L3MBTL4: variants seen among roughly 807,000 people sequenced by gnomAD.
L3MBTL4 encodes the protein L3MBTL histone methyl-lysine binding protein 4, also known as lethal(3)malignant brain tumor-like protein 4.
In L3MBTL4, 70 loss-of-function variants were observed where a neutral mutation model predicts 84.5. That is an observed-to-expected ratio of 0.83 (90% CI 0.68 to 1.01). L3MBTL4 has a LOEUF of 1.01. Ranked by LOEUF, L3MBTL4 falls within the 50% of genes least tolerant of loss-of-function variation. The pLI, the probability that L3MBTL4 is intolerant of heterozygous loss-of-function variation, is 0.00. For missense variants in L3MBTL4, 715 were observed against 754.8 expected (o/e 0.95, Z 0.62); for synonymous variants, 274 against 259.8 (o/e 1.05, Z -0.52).
chr18:6,222,950 TATA>T (rs1459943799), intron 10 of L3MBTL4, among the ~76,000 whole-genome samples: 3 of 51,908 alleles, frequency 5.8e-5, no homozygotes, highest in African/African-American at 2.6e-4. Flanking sequence ...ATTTTTCTAT[TATA>T]ATATAATATA....
At chr18:6,322,456 TGGAAGGAAGGAAGGAAGGAA>T (rs199942673) in intron 1 of L3MBTL4, among the ~76,000 whole-genome samples, 4 of 102,548 alleles carry the variant, frequency 3.9e-5, no homozygotes, top group African/African-American at 1.5e-4. Context: ...GAAGGAAGGA[TGGAAGGAAGGAAGGAAGGAA>T]GGAAGGAAGG....
At chr18:6,025,523 CT>C (rs2055460160) in intron 16 of L3MBTL4, among the ~76,000 whole-genome samples, 2 of 152,206 alleles carry the variant, frequency 1.3e-5, no homozygotes, top group Non-Finnish European at 2.9e-5. Context: ...AACATTCACT[CT>C]GTTTAACTCT....
At chr18:6,245,166 T>C (rs1293632803) in intron 5 of L3MBTL4, among the ~76,000 whole-genome samples, 1 of 152,204 alleles carries the variant, frequency 6.6e-6, no homozygotes, top group Non-Finnish European at 1.5e-5. Flanking sequence ...CCCAAAGTGC[T>C]GGGATTACAG....
intron 4 of L3MBTL4, among the ~76,000 whole-genome samples, chr18:6,290,319 A>T (rs563274319): frequency 4.6e-5 from 7 of 151,454 alleles, no homozygotes; most frequent in African/African-American, 9.7e-5. Context: ...TAAGAAACAG[A>T]GTGTATAGTT....
chr18:6,130,566 T>C (rs890859045), intron 14 of L3MBTL4, among the ~76,000 whole-genome samples: 9 of 152,222 alleles, frequency 5.9e-5, no homozygotes, highest in Non-Finnish European at 1.0e-4. Context: ...GGCCTTCACA[T>C]TGTAACAATA....
intron 16 of L3MBTL4, among the ~76,000 whole-genome samples, chr18:5,985,887 A>C (rs1011945875): frequency 3.9e-5 from 6 of 152,172 alleles, no homozygotes; most frequent in Non-Finnish European, 5.9e-5. Flanking sequence ...AAGCTAATTC[A>C]AAGGAGGTAT....
At chr18:6,084,085 G>A (rs1433142431) in intron 15 of L3MBTL4, among the ~76,000 whole-genome samples, 2 of 152,156 alleles carry the variant, frequency 1.3e-5, no homozygotes, top group Non-Finnish European at 2.9e-5. Flanking sequence ...GTGTTCAAAA[G>A]GCAAGTTAAG....
At chr18:6,236,344 A>C (rs1207312336) in intron 10 of L3MBTL4, among the ~76,000 whole-genome samples, 1 of 152,244 alleles carries the variant, frequency 6.6e-6, no homozygotes, top group Non-Finnish European at 1.5e-5. Context: ...CTTTTGTAAC[A>C]AATCTTTATG....
At chr18:6,316,524 A>G (rs750734091) in intron 1 of L3MBTL4, among the ~76,000 whole-genome samples, 30 of 152,166 alleles carry the variant, frequency 2.0e-4, no homozygotes, top group Non-Finnish European at 3.8e-4. Flanking sequence ...CTGCAAACAC[A>G]GCTGGGGCTT....
intron 4 of L3MBTL4, among the ~76,000 whole-genome samples, chr18:6,281,056 A>G (rs1335813287): frequency 6.6e-6 from 1 of 152,208 alleles, no homozygotes; most frequent in African/African-American, 2.4e-5. Context: ...TACAGAATGT[A>G]CATCAGGAAT....
intron 14 of L3MBTL4, among the ~76,000 whole-genome samples, chr18:6,107,454 T>C (rs1267111465): frequency 2.6e-5 from 4 of 152,068 alleles, no homozygotes; most frequent in African/African-American, 4.8e-5. Context: ...GCCTGAGGGA[T>C]GGGGACAGGA....
chr18:6,406,511 C>G (rs949573912), intron 1 of L3MBTL4, among the ~76,000 whole-genome samples: 1 of 152,218 alleles, frequency 6.6e-6, no homozygotes, highest in Non-Finnish European at 1.5e-5. Flanking sequence ...GATGTGTCAT[C>G]TGCAAAACAG....
At chr18:5,984,282 A>G (rs2053371233) in intron 16 of L3MBTL4, among the ~76,000 whole-genome samples, 2 of 152,236 alleles carry the variant, frequency 1.3e-5, no homozygotes. Context: ...GGAGGAATGC[A>G]AGGATAAATG....
intron 16 of L3MBTL4, among the ~76,000 whole-genome samples, chr18:6,041,895 T>C (rs1363190265): frequency 6.6e-6 from 1 of 152,052 alleles, no homozygotes; most frequent in Non-Finnish European, 1.5e-5. Flanking sequence ...TGGCTAATTT[T>C]TTTTTTGGTA....
At chr18:6,358,161 A>T (rs1337134148) in intron 1 of L3MBTL4, among the ~76,000 whole-genome samples, 1 of 152,258 alleles carries the variant, frequency 6.6e-6, no homozygotes, top group Non-Finnish European at 1.5e-5. Context: ...AAATCAGTGG[A>T]TGAGACTATC....
intron 16 of L3MBTL4, among the ~76,000 whole-genome samples, chr18:5,976,118 G>T (rs1265424418): frequency 6.6e-6 from 1 of 152,096 alleles, no homozygotes; most frequent in East Asian, 1.9e-4. Context: ...AATAACAGTA[G>T]CCACTAGCCA....
At chr18:6,200,320 C>A (rs573967686) in intron 12 of L3MBTL4, among the ~76,000 whole-genome samples, 1 of 152,178 alleles carries the variant, frequency 6.6e-6, no homozygotes, top group Non-Finnish European at 1.5e-5. Context: ...TCATTGTGGG[C>A]ACACGCTGTA....
intron 14 of L3MBTL4, among the ~76,000 whole-genome samples, chr18:6,127,805 G>C (rs1305489950): frequency 6.6e-6 from 1 of 152,146 alleles, no homozygotes; most frequent in East Asian, 1.9e-4. Flanking sequence ...TGATGGTGGT[G>C]GAGGGGAGGC....
At chr18:6,371,001 G>A (rs142458876) in intron 1 of L3MBTL4, among the ~76,000 whole-genome samples, 157 of 152,180 alleles carry the variant, frequency 1.0e-3, no homozygotes, top group African/African-American at 3.6e-3. Context: ...CGCCAAGGAG[G>A]GTTCTGTCCA....
Sources: allele counts gnomAD v4.1 joint callset (sites outside exome capture counted in the v4.1 genomes callset), GRCh38; gene constraint gnomAD v4.1.1; transcripts MANE v1.5; gene names NCBI Gene and HGNC (gene_info 2026-07-23, HGNC 2026-07-21).